WDR90: variants seen among roughly 807,000 people sequenced by gnomAD.
The protein encoded by WDR90 is WD repeat domain 90.
In WDR90, 238 loss-of-function variants were observed where a neutral mutation model predicts 195.2. The ratio of observed to expected loss-of-function variants is 1.22; its 90% CI spans 1.10 to 1.36. WDR90 has a LOEUF of 1.36. WDR90 is among the 40% of genes most tolerant of loss of function. WDR90 has a pLI of 0.00. For missense variants in WDR90, 2,734 were observed against 2,439.5 expected (o/e 1.12, Z -2.54); for synonymous variants, 1,265 against 1,052.4 (o/e 1.20, Z -3.91).
At chr16:652,217 G>C (rs1010337478) in intron 9 of WDR90, 178 bp downstream of exon 9, 2 of 865,258 alleles carry the variant, frequency 2.3e-6, no homozygotes, top group African/African-American at 1.7e-5. Context: ...TGTCCACAAA[G>C]AGTAAGGCAG....
Position 665,954 on chromosome 16 carries a change from G to C in WDR90, c.4439G>C (p.Cys1480Ser). The change falls in exon 36 of 41, where the codon TGC becomes TCC. Residue 1480 changes from cysteine to serine, a missense_variant. Physicochemically the swap from Cys to Ser is moderately radical, Grantham distance 112 (BLOSUM62 -1). Transcript: ENST00000293879. ...TTCCCCACTGTGGGTCCCCAGAGCT[G>C]CCTCTGCCTGGCATGGAGCCCCCCG... is the stretch of plus-strand genomic sequence containing the variant. The part of the protein sequence containing the change: ...VIQFQVLNQS[C>S]LCLAWSPPCC... 6.3e-7 allele frequency: 1 copy of C among 1,585,740 alleles called. No homozygotes were observed. Among genetic ancestry groups the C allele is most frequent in the East Asian group, 2.2e-5 (1 of 44,558 alleles).
chr16:662,100 A>C, intron 32 of WDR90, 41 bp downstream of exon 32: 1 of 1,580,840 alleles, frequency 6.3e-7, no homozygotes, highest in Non-Finnish European at 8.6e-7. Flanking sequence ...CAGGACCCCT[A>C]CCTGGGATCC....
intron 34 of WDR90, chr16:665,462 G>A: frequency 3.0e-6 from 2 of 673,728 alleles, no homozygotes; most frequent in Non-Finnish European, 5.1e-6. Context: ...GGTTTGACTG[G>A]CTAGTGGGCT....
chr16:662,693 A>C lies in WDR90; in HGVS notation c.4160A>C (p.Glu1387Ala). 6.4e-7 allele frequency: 1 copy of C among 1,556,798 alleles called. No individual in the cohort carries two copies. The highest frequency in any genetic ancestry group is 2.3e-5 in the East Asian group (1 of 44,182). ...CTGAGGTCCAGTTCTGTGTTCATGG[A>C]ACACGAGCTGGTGCTGGACGGGGCT... is the stretch of plus-strand genomic sequence containing the variant. ...KGSGASSVFM[E>A]HELVLDGAVV... Residue 1387 changes from glutamate to alanine, a missense_variant, in exon 34 of 41, where the codon GAA becomes GCA. By Grantham distance (107) the Glu-to-Ala change is moderately radical. Transcript: ENST00000293879.
At position 651,284 on chromosome 16, in the gene WDR90, G is replaced by A. The variant is rs752279432; in HGVS notation, c.736+18G>A. On this transcript the variant is annotated intron_variant, in intron 7 of 40. Transcript: ENST00000293879. ...TGAGGCAGGTGGGTCTGGGGGGTCA[G>A]CGGGGACCCAGGTTAAGGCCTGTAG... 6.2e-7 allele frequency: 1 copy of A among 1,612,490 alleles called. No individual in the cohort carries two copies. Among genetic ancestry groups the A allele is most frequent in the South Asian group, 1.1e-5 (1 of 91,054 alleles).
Position 661,924 on chromosome 16 carries a change from G to A in WDR90, c.3898G>A (p.Ala1300Thr). Residue 1300 changes from alanine (A) to threonine (T), a missense_variant, in exon 32 of 41, where the codon GCT (alanine) becomes ACT (threonine). Coordinates refer to ENST00000293879, the MANE Select transcript of WDR90 (RefSeq NM_145294.5). ...AGAGCCAGTCCCAGAGGCAGTGGGG[G>A]CTGGAGAGCTGACCTCGCTCTGCTA... is the stretch of plus-strand genomic sequence containing the variant. ...RREPVPEAVG[A>T]GELTSLCYGA... is the part of the protein sequence containing the mutation. 2 of 1,609,784 alleles carry A rather than the reference G, an allele frequency of 1.2e-6. No individual in the cohort carries two copies. Among genetic ancestry groups the A allele is most frequent in the East Asian group, 2.2e-5 (1 of 44,866 alleles).
rs2038042965 is a variant in WDR90, at chr16:666,347, A to G, written c.4737A>G (p.Lys1579=). The part of the protein sequence containing the change: ...APISTICVTC[K]ECEDLGVEGT... ...TCTCTACCATCTGTGTCACGTGCAA[A>G]GAGGTAAAGCAGCCCCAAGAGCTGG... is the stretch of plus-strand genomic sequence containing the variant. The change falls in exon 37 of 41, where the codon AAA becomes AAG. Residue 1579 remains lysine, a synonymous_variant. Coordinates refer to ENST00000293879, the MANE Select transcript of WDR90 (RefSeq NM_145294.5). 2 of 1,612,498 alleles carry G rather than the reference A, an allele frequency of 1.2e-6. No homozygotes were observed. Among genetic ancestry groups the G allele is most frequent in the Non-Finnish European group, 8.5e-7 (1 of 1,179,946 alleles).
chr16:658,643 C>T lies in WDR90; in HGVS notation c.2885C>T (p.Pro962Leu), dbSNP rs1018530615. 13 of 1,610,570 alleles carry T rather than the reference C, an allele frequency of 8.1e-6. No homozygotes were observed. The highest frequency in any genetic ancestry group is 5.0e-5 in the Admixed American group (3 of 59,914). ...TGGGACTACGCCACACAGGCCAGCCCAGGCCCCCAGGTGTGTGCGTGGGGA... is the reference window on the plus strand; with the variant it reads ...TGGGACTACGCCACACAGGCCAGCCTAGGCCCCCAGGTGTGTGCGTGGGGA... ...KVWDYATQAS[P>L]GPQVYIGHSE... The change falls in exon 23 of 41, where the codon CCA becomes CTA. Residue 962 changes from proline to leucine, a missense_variant. Pro to Leu is a moderately conservative substitution (Grantham distance 98). Coordinates refer to ENST00000293879, the MANE Select transcript of WDR90 (RefSeq NM_145294.5).
rs1387482611 is a variant in WDR90, at chr16:655,670, G to T, written c.1816G>T (p.Gly606Cys). Residue 606 changes from glycine (G) to cysteine (C), a missense_variant, in exon 16 of 41, where the codon GGT (glycine) becomes TGT (cysteine). Transcript: ENST00000293879. The stretch of plus-strand genomic sequence containing the variant: ...CCTGCTCCCCACACGGACTCCAGGC[G>T]GTCCCCACCCACAGAAGCAGACCTT... ...RRLLPTRTPGGPHPQKQTFSS... is the reference protein window; with the variant it reads ...RRLLPTRTPGCPHPQKQTFSS... The T allele has an allele frequency of 6.2e-7, 1 of 1,601,418 alleles. No homozygotes were observed. Among genetic ancestry groups the T allele is most frequent in the South Asian group, 1.1e-5 (1 of 89,544 alleles).
In WDR90 at chr16:650,601, G is replaced by A. The variant is rs200724661; in HGVS notation, c.451G>A (p.Val151Ile). The change falls in exon 5 of 41, where the codon GTT (valine) becomes ATT (isoleucine). Residue 151 changes from valine (V) to isoleucine (I), a missense_variant. Transcript: ENST00000293879. ...WTCLQLDLQD[V>I]LLVYLNRCYG... is the part of the protein sequence containing the mutation. Reference sequence around the variant, plus strand: ...CTGCCTGCAGCTCGATCTGCAGGACGTTCTCCTGGTCTACCTGAACCGGTG... The same window carrying A: ...CTGCCTGCAGCTCGATCTGCAGGACATTCTCCTGGTCTACCTGAACCGGTG... 1.7e-5 allele frequency: 27 copies of A among 1,612,730 alleles called. No individual in the cohort carries two copies. The highest frequency in any genetic ancestry group is 1.0e-4 in the Admixed American group (6 of 60,018).
rs372141814 is a variant in WDR90, at chr16:658,225, C to T, written c.2647C>T (p.Arg883Cys). The T allele has an allele frequency of 1.6e-5, 26 of 1,612,334 alleles. No homozygotes were observed. The highest frequency in any genetic ancestry group is 1.6e-4 in the Middle Eastern group (1 of 6,080). ...CGGCACTCTGGACCTGGCCAGCAGCCGCCTGGACTCAGCCATGGCTGTGTG... is the reference window on the plus strand; with the variant it reads ...CGGCACTCTGGACCTGGCCAGCAGCTGCCTGGACTCAGCCATGGCTGTGTG... ...DIGTLDLASS[R>C]LDSAMAVCFG... The change falls in exon 22 of 41, where the codon CGC (arginine) becomes TGC (cysteine). Residue 883 changes from arginine (R) to cysteine (C), a missense_variant. Arg to Cys is a radical substitution (Grantham distance 180). Coordinates refer to ENST00000293879, the MANE Select transcript of WDR90 (RefSeq NM_145294.5).
In WDR90 at chr16:666,568, G is replaced by A; in HGVS notation, c.4854G>A (p.Trp1618Ter). 6.2e-7 allele frequency: 1 copy of A among 1,612,744 alleles called. No homozygotes were observed. Among genetic ancestry groups the A allele is most frequent in the Non-Finnish European group, 8.5e-7 (1 of 1,179,942 alleles). ...WLRNHCELVD[W>*]LSFPMPATTE... ...GGAACCACTGTGAGCTTGTGGACTG[G>A]TTGAGTTTCCCAATGCCTGCCACCA... The change falls in exon 38 of 41, where the codon TGG becomes TGA. Residue 1618 changes from tryptophan (W) to a stop codon, truncating the protein, a stop_gained. Transcript: ENST00000293879. LOFTEE classifies it high-confidence loss of function.
chr16:661,760 G>A lies in WDR90; in HGVS notation c.3837G>A (p.Gln1279=), dbSNP rs1162968360. 1 of 1,605,748 alleles carries A rather than the reference G, an allele frequency of 6.2e-7. No individual in the cohort carries two copies. The highest frequency in any genetic ancestry group is 2.2e-5 in the East Asian group (1 of 44,786). ...GQGTVTFWLL[Q]QRGADISLQV... is the part of the protein sequence containing the mutation. ...GCACTGTCACCTTCTGGCTCCTTCA[G>A]CAGCGTGGGGCAGACATCAGCCTTC... Residue 1279 remains glutamine (Q), a synonymous_variant, in exon 31 of 41, where the codon CAG becomes CAA. Transcript: ENST00000293879.
In WDR90 at chr16:666,887, C is replaced by A. The variant is rs764375538; in HGVS notation, c.5005-18C>A. 1.9e-6 allele frequency: 3 copies of A among 1,613,106 alleles called. No homozygotes were observed. The South Asian group carries it at 3.3e-5, about 18-fold the overall frequency. ...CCCTGAGCCCACAGGCCTGGAGCCT[C>A]ACGCTGGCTGCTCACAGGTGGTGGA... On this transcript the variant is annotated intron_variant, in intron 39 of 40. Transcript: ENST00000293879.
chr16:656,421 G>C lies in WDR90; in HGVS notation c.2086G>C (p.Ala696Pro), dbSNP rs530944802. 1 of 1,605,370 alleles carries C rather than the reference G, an allele frequency of 6.2e-7. No individual in the cohort carries two copies. Among genetic ancestry groups the C allele is most frequent in the Non-Finnish European group, 8.5e-7 (1 of 1,178,344 alleles). The change falls in exon 18 of 41, where the codon GCT becomes CCT. Residue 696 changes from alanine to proline, a missense_variant. Ala to Pro is a conservative substitution (Grantham distance 27, BLOSUM62 -1). Coordinates refer to ENST00000293879, the MANE Select transcript of WDR90 (RefSeq NM_145294.5). ...DTLSRVYHML[A>P]RSHTAPVLAL... ...GCTGTCCCGGGTGTACCACATGCTG[G>C]CTCGCTCCCACACCGCCCCGGTGTT...
At chr16:661,283 C>A (rs887260441) in intron 29 of WDR90, 59 bp from the exon 30 acceptor site, 35 of 1,540,580 alleles carry the variant, frequency 2.3e-5, no homozygotes, top group Non-Finnish European at 2.7e-5. Context: ...ACGGCCACCC[C>A]AGCCTCCACT....
intron 21 of WDR90, 55 bp from the exon 22 acceptor site, chr16:658,128 T>G: frequency 6.4e-7 from 1 of 1,565,934 alleles, no homozygotes; most frequent in Non-Finnish European, 8.7e-7. Flanking sequence ...TGACCCTGGG[T>G]GGCACCGGCT....
Position 658,301 on chromosome 16 carries a change from G to A in WDR90, c.2723G>A (p.Arg908Lys). Residue 908 changes from arginine to lysine, a missense_variant, in exon 22 of 41, where the codon AGA becomes AAA. Transcript: ENST00000293879. ...CTGCTGGTGTCCACCTCGTCCAACAGAGTCGTGGTGCTGGATGCTGTGTCG... is the reference window on the plus strand; with the variant it reads ...CTGCTGGTGTCCACCTCGTCCAACAAAGTCGTGGTGCTGGATGCTGTGTCG... ...GHLLVSTSSN[R>K]VVVLDAVSGR... 6.2e-7 allele frequency: 1 copy of A among 1,612,622 alleles called. No individual in the cohort carries two copies. Among genetic ancestry groups the A allele is most frequent in the Non-Finnish European group, 8.5e-7 (1 of 1,179,880 alleles).
At chr16:657,343 G>T in intron 20 of WDR90, 122 bp downstream of exon 20, 1 of 1,391,370 alleles carries the variant, frequency 7.2e-7, no homozygotes, top group Admixed American at 2.8e-5. Flanking sequence ...CCTGTGGGGG[G>T]GCGTGGCCGC....
Sources: allele counts gnomAD v4.1 joint callset, GRCh38; gene constraint gnomAD v4.1.1; transcripts MANE v1.5; gene names NCBI Gene and HGNC (gene_info 2026-07-23, HGNC 2026-07-21).